The following GON4L variants were observed in gnomAD, a reference collection of about 807,000 sequenced individuals.
The protein encoded by GON4L is GON-4-like protein.
A neutral mutation model predicts 211.8 loss-of-function variants in GON4L; 87 were observed. The observed-to-expected ratio is 0.41, with a 90% CI of 0.35 to 0.49. The LOEUF is 0.49. Ranked by LOEUF, GON4L falls within the 20% of genes least tolerant of loss-of-function variation. GON4L has a pLI of 0.15. For missense variants in GON4L, 2,155 were observed against 2,659.5 expected (o/e 0.81, Z 4.17); for synonymous variants, 875 against 962.6 (o/e 0.91, Z 1.68).
rs572801284 is a variant in GON4L, at chr1:155,793,455, T to G, written c.1747+1595A>C. ...CTGGTCAAGAGCCAGCATCTTACCT[T>G]CTCCATGTCGTGTATATTATTCCAG... On this transcript the variant is annotated intron_variant, in intron 12 of 31. Coordinates refer to ENST00000368331, the MANE Select transcript of GON4L (RefSeq NM_001282860.2). Among the ~76,000 whole-genome samples, 24 of 152,320 alleles carry G rather than the reference T, an allele frequency of 1.6e-4. No individual in the cohort carries two copies. The East Asian group carries it at 4.6e-3, about 29-fold the overall frequency.
intron 2 of GON4L, among the ~76,000 whole-genome samples, chr1:155,832,563 T>C (rs822484): frequency 0.94 from 141,683 of 151,458 alleles, 67,029 homozygotes; most frequent in Non-Finnish European, 1. Flanking sequence ...TGCTTGAACC[T>C]AGGAAGTGGA....
intron 2 of GON4L, among the ~76,000 whole-genome samples, chr1:155,829,158 A>G (rs1669507512): frequency 6.6e-6 from 1 of 152,152 alleles, no homozygotes; most frequent in African/African-American, 2.4e-5. Context: ...TTCTGCTTTA[A>G]TGGTGTTTAT....
intron 11 of GON4L, among the ~76,000 whole-genome samples, chr1:155,800,890 AC>A (rs1417463541): frequency 3.3e-5 from 5 of 151,188 alleles, no homozygotes; most frequent in African/African-American, 1.2e-4. Context: ...TTACCGTGAA[AC>A]CTGTCTGATT....
chr1:155,760,630 G>A lies in GON4L; in HGVS notation c.4923C>T (p.Ala1641=), dbSNP rs982471422. The A allele has an allele frequency of 1.9e-6, 3 of 1,610,950 alleles. No homozygotes were observed. Among genetic ancestry groups the A allele is most frequent in the Admixed American group, 3.3e-5 (2 of 59,988 alleles). ...AQAYLTRVRE[A]LQHIPGKYED... ...CATACTTGCCAGGGATATGTTGTAGGGCTTCTCGCACCTACACGGGAAGAC... is the reference window on the plus strand; with the variant it reads ...CATACTTGCCAGGGATATGTTGTAGAGCTTCTCGCACCTACACGGGAAGAC... Residue 1641 remains alanine, a synonymous_variant, in exon 24 of 32, where the codon GCC becomes GCT. Transcript: ENST00000368331.
At chr1:155,763,826 AACC>A (rs1436320295) in intron 21 of GON4L, among the ~76,000 whole-genome samples, 1 of 152,032 alleles carries the variant, frequency 6.6e-6, no homozygotes, top group African/African-American at 2.4e-5. Flanking sequence ...AACATGATGA[AACC>A]ACGTCTCTAC....
intron 23 of GON4L, among the ~76,000 whole-genome samples, chr1:155,761,063 T>C (rs1571637156): frequency 6.6e-6 from 1 of 152,076 alleles, no homozygotes; most frequent in Non-Finnish European, 1.5e-5. Context: ...GAAAAAGCTA[T>C]GACTATCATT....
rs750121410 is a variant in GON4L, at chr1:155,795,128, GATC to G, written c.1666_1668del (p.Asp556del). On this transcript the variant is annotated inframe_deletion, in exon 12 of 32. Coordinates refer to ENST00000368331, the MANE Select transcript of GON4L (RefSeq NM_001282860.2). Reference sequence around the variant, plus strand: ...AGGTCTTCCAGGAAATTATATTCTGGATCATCATCATCATCTGCTTCATCTAGG... The same window carrying G: ...AGGTCTTCCAGGAAATTATATTCTGGATCATCATCATCTGCTTCATCTAGG... 62 of 1,601,814 alleles carry G rather than the reference GATC, an allele frequency of 3.9e-5. No individual in the cohort carries two copies. Among genetic ancestry groups the G allele is most frequent in the Non-Finnish European group, 4.9e-5 (57 of 1,168,872 alleles).
At chr1:155,826,282 T>C (rs1007280476) in intron 3 of GON4L, among the ~76,000 whole-genome samples, 3 of 151,094 alleles carry the variant, frequency 2.0e-5, no homozygotes, top group African/African-American at 2.4e-5. Context: ...ACAGAACAAC[T>C]GGCTAGGCGC....
At chr1:155,804,150 A>C (rs1413875476) in intron 11 of GON4L, among the ~76,000 whole-genome samples, 1 of 151,650 alleles carries the variant, frequency 6.6e-6, no homozygotes, top group African/African-American at 2.4e-5. Context: ...TGGGAGGCCA[A>C]GGTGGGAGGA....
At chr1:155,779,068 C>T (rs1172672778) in intron 14 of GON4L, among the ~76,000 whole-genome samples, 1 of 151,598 alleles carries the variant, frequency 6.6e-6, no homozygotes, top group African/African-American at 2.4e-5. Context: ...AGATCAAGAC[C>T]ATGGTGAAAC....
intron 10 of GON4L, among the ~76,000 whole-genome samples, chr1:155,812,454 A>G (rs1032351806): frequency 6.6e-6 from 1 of 152,190 alleles, no homozygotes; most frequent in Non-Finnish European, 1.5e-5. Context: ...AATGCTGAAT[A>G]GGGAAAAAAA....
rs534532800 is a variant in GON4L, at chr1:155,777,452, G to A, written c.2091+170C>T. Among the ~76,000 whole-genome samples, 25 of 152,254 alleles carry A rather than the reference G, an allele frequency of 1.6e-4. No individual in the cohort carries two copies. The South Asian group carries it at 4.8e-3, about 29-fold the overall frequency. On this transcript the variant is annotated intron_variant, in intron 15 of 31. Transcript: ENST00000368331. ...AAATTAGCTGGGTGTGGTGGTGGATGCCTGTAATCCCAGCTACTTGGGAGG... is the reference window on the plus strand; with the variant it reads ...AAATTAGCTGGGTGTGGTGGTGGATACCTGTAATCCCAGCTACTTGGGAGG...
intron 6 of GON4L, among the ~76,000 whole-genome samples, chr1:155,818,572 ATG>A (rs1305170190): frequency 1.3e-5 from 2 of 152,242 alleles, no homozygotes; most frequent in African/African-American, 4.8e-5. Flanking sequence ...AAAAAAAGTG[ATG>A]TGATTGCCAA....
At chr1:155,858,230 A>G (rs1672429498), upstream of GON4L, among the ~76,000 whole-genome samples, 1 of 152,208 alleles carries the variant, frequency 6.6e-6, no homozygotes, top group Admixed American at 6.6e-5. Flanking sequence ...ACTTTTCTAG[A>G]AAAACAATGT....
chr1:155,760,429 TCCCCA>T lies in GON4L; in HGVS notation c.5109+10_5109+14del. The T allele has an allele frequency of 3.2e-6, 5 of 1,551,470 alleles. No homozygotes were observed. The highest frequency in any genetic ancestry group is 1.7e-5 in the Admixed American group (1 of 57,196). On this transcript the variant is annotated intron_variant, in intron 24 of 31. Coordinates refer to ENST00000368331, the MANE Select transcript of GON4L (RefSeq NM_001282860.2). ...CCCAGGAGTCCCAGTGTACTTTTTTTCCCCATTCACTTACTAATCCACAGGCCAGA... is the reference window on the plus strand; with the variant it reads ...CCCAGGAGTCCCAGTGTACTTTTTTTTTCACTTACTAATCCACAGGCCAGA...
rs765331143 is a variant in GON4L at position 155,753,262 on chromosome 1, A to G, written c.5784T>C (p.Thr1928=). The change falls in exon 29 of 32, where the codon ACT becomes ACC. Residue 1928 remains threonine (T), a synonymous_variant. Coordinates refer to ENST00000368331, the MANE Select transcript of GON4L (RefSeq NM_001282860.2). ...TGACAGTCCTGCTCTGGGTGGCCTC[A>G]GTGCTCTCCCGCTCCTCTGGGGCTT... is the stretch of plus-strand genomic sequence containing the variant. The part of the protein sequence containing the change: ...EEEAPEERES[T]EATQSRTVRT... 8.1e-6 allele frequency: 13 copies of G among 1,611,522 alleles called. No individual in the cohort carries two copies. The highest frequency in any genetic ancestry group is 1.0e-5 in the Non-Finnish European group (12 of 1,179,062).
chr1:155,836,261 T>C (rs1376203880), intron 2 of GON4L, among the ~76,000 whole-genome samples: 1 of 150,462 alleles, frequency 6.6e-6, no homozygotes, highest in Non-Finnish European at 1.5e-5. Flanking sequence ...TTTTTTTTTT[T>C]TTTTTTGAGA....
intron 3 of GON4L, among the ~76,000 whole-genome samples, chr1:155,824,371 T>C (rs1388612672): frequency 2.1e-5 from 3 of 143,126 alleles, no homozygotes; most frequent in South Asian, 2.2e-4. Context: ...GAGGAAGCGG[T>C]TGCAGTGAGC....
Position 155,817,652 on chromosome 1 carries a change from G to C in GON4L, c.1015-1390C>G, listed in dbSNP as rs75703980. On this transcript the variant is annotated intron_variant, in intron 6 of 31. Transcript: ENST00000368331. ...AAGAAGGCCAAGTATAGCGGCTCAT[G>C]CCTGTAATCCCCCCATGTTGGGAGA... is the stretch of plus-strand genomic sequence containing the variant. Among the ~76,000 whole-genome samples, 119 of 152,314 alleles carry C rather than the reference G, an allele frequency of 7.8e-4. 2 individuals carry two copies. The East Asian group carries it at 0.02, about 25-fold the overall frequency.
Sources: gnomAD v4.1 joint callset for allele counts (sites outside exome capture counted in the v4.1 genomes callset) on GRCh38, gnomAD v4.1.1 for gene constraint, MANE v1.5 for transcripts, NCBI Gene and HGNC (gene_info 2026-07-23, HGNC 2026-07-21) for gene names.